WNT5B: variants seen among roughly 807,000 people sequenced by gnomAD.
WNT5B encodes the protein protein Wnt-5b.
WNT5B carries 18 observed loss-of-function variants against 36.5 expected under a neutral mutation model. That is an observed-to-expected ratio of 0.49 (90% CI 0.34 to 0.73). The LOEUF is 0.73. WNT5B is among the 30% of genes least tolerant of loss of function. The probability of loss-of-function intolerance (pLI) is 0.01; values close to 1 mark genes in which losing one functional copy is unlikely to be tolerated. For missense variants in WNT5B, 424 were observed against 508.4 expected (o/e 0.83, Z 1.60); for synonymous variants, 213 against 212.3 (o/e 1.00, Z -0.03).
rs1293352000 is a variant in WNT5B at position 1,632,175 on chromosome 12, A to T, written c.81-483A>T. ...CCACGCAAAGGATTGATTGCTTTCC[A>T]TGGCTTATCATGTACTTGGGCTGCA... is the stretch of plus-strand genomic sequence containing the variant. On this transcript the variant is annotated intron_variant, in intron 2 of 4. Transcript: ENST00000397196. This position sits in a 1 kb window ranked among gnomAD's most constrained non-coding sequence, Gnocchi z 5.8. 6.6e-6 allele frequency among the ~76,000 whole-genome samples: 1 copy of T among 152,196 alleles called. No homozygotes were observed. The highest frequency in any genetic ancestry group is 2.4e-5 in the African/African-American group (1 of 41,448).
rs930204478 is a variant in WNT5B, at chr12:1,618,606, A to T, written c.-58+1463A>T. 2.0e-5 allele frequency among the ~76,000 whole-genome samples: 3 copies of T among 152,210 alleles called. No homozygotes were observed. The highest frequency in any genetic ancestry group is 2.0e-4 in the Admixed American group (3 of 15,274). On this transcript the variant is annotated intron_variant, in intron 1 of 4. Transcript: ENST00000310594. This position sits in a 1 kb window ranked among gnomAD's most constrained non-coding sequence, Gnocchi z 4.1. ...ACACTTCTGCCTTCTTTTCTAGAGCATATTTTAAAACTATTTTATTAGTAT... is the reference window on the plus strand; with the variant it reads ...ACACTTCTGCCTTCTTTTCTAGAGCTTATTTTAAAACTATTTTATTAGTAT...
At chr12:1,627,896 C>T (rs1215955521), upstream of WNT5B, among the ~76,000 whole-genome samples, 2 of 152,162 alleles carry the variant, frequency 1.3e-5, no homozygotes, top group African/African-American at 4.8e-5. The surrounding 1 kb of genome is among the most constrained non-coding windows in gnomAD (Gnocchi z 5.0). Flanking sequence ...ATTCACTGGA[C>T]CTAACTTATG....
chr12:1,641,385 CAAA>C (rs1371392049), intron 4 of WNT5B, among the ~76,000 whole-genome samples: 2 of 100,946 alleles, frequency 2.0e-5, no homozygotes, highest in Admixed American at 1.1e-4. Context: ...GACTCCATCT[CAAA>C]AAAAAAAAAA....
intron 1 of WNT5B, among the ~76,000 whole-genome samples, chr12:1,623,215 A>C (rs7974359): frequency 0.61 from 41,980 of 68,970 alleles, 12,320 homozygotes; most frequent in African/African-American, 0.69. Flanking sequence ...TTTTTTTTTG[A>C]GACGGAGTCT....
At chr12:1,640,468 A>C (rs1368537774) in intron 4 of WNT5B, among the ~76,000 whole-genome samples, 1 of 152,232 alleles carries the variant, frequency 6.6e-6, no homozygotes, top group Non-Finnish European at 1.5e-5. Flanking sequence ...TCAAATACTA[A>C]TGACAAACAC....
chr12:1,622,163 T>C (rs1254439068), intron 1 of WNT5B, among the ~76,000 whole-genome samples: 1 of 143,918 alleles, frequency 6.9e-6, no homozygotes, highest in Non-Finnish European at 1.5e-5. Context: ...CAGGCTGGAG[T>C]GCAGTGGCGT....
At chr12:1,620,322 G>A (rs563718556) in intron 1 of WNT5B, among the ~76,000 whole-genome samples, 2 of 152,302 alleles carry the variant, frequency 1.3e-5, no homozygotes, top group African/African-American at 4.8e-5. Flanking sequence ...TGCTATGAAT[G>A]GAACCATAGT....
upstream of WNT5B, among the ~76,000 whole-genome samples, chr12:1,626,483 G>A (rs1361806819): frequency 2.6e-5 from 4 of 151,524 alleles, no homozygotes; most frequent in African/African-American, 7.3e-5. Flanking sequence ...GGCTGGTCTC[G>A]AACTCCTGAC....
At chr12:1,626,811 C>T (rs543229147), upstream of WNT5B, among the ~76,000 whole-genome samples, 26 of 150,704 alleles carry the variant, frequency 1.7e-4, no homozygotes, top group East Asian at 5.9e-4. Context: ...ATGATCTGCC[C>T]GCCTCGGCCT....
In WNT5B at chr12:1,632,416, T is replaced by C. The variant is rs1036988715; in HGVS notation, c.81-242T>C. Among the ~76,000 whole-genome samples, 1 of 152,206 alleles carries C rather than the reference T, an allele frequency of 6.6e-6. No homozygotes were observed. The highest frequency in any genetic ancestry group is 1.9e-4 in the East Asian group (1 of 5,190). On this transcript the variant is annotated intron_variant, in intron 2 of 4. Coordinates refer to ENST00000397196, the MANE Select transcript of WNT5B (RefSeq NM_032642.3). This position sits in a 1 kb window ranked among gnomAD's most constrained non-coding sequence, Gnocchi z 5.8. ...TATTTTCCTATCTGATCACAGCAGA[T>C]CCAGAAGCATATCCAGAGTCTGTCT...
At position 1,645,934 on chromosome 12, in the gene WNT5B, C is replaced by T. The variant is rs759646239; in HGVS notation, c.762C>T (p.Ala254=). The T allele has an allele frequency of 4.3e-6, 7 of 1,610,086 alleles. No individual in the cohort carries two copies. Among genetic ancestry groups the T allele is most frequent in the Non-Finnish European group, 5.9e-6 (7 of 1,179,846 alleles). ...AGGAGAAGTACGACAGCGCGGCCGC[C>T]ATGCGCGTCACCCGCAAGGGCCGGC... ...RLKEKYDSAA[A]MRVTRKGRLE... Residue 254 remains alanine (A), a synonymous_variant, in exon 5 of 5, where the codon GCC becomes GCT. Coordinates refer to ENST00000397196, the MANE Select transcript of WNT5B (RefSeq NM_032642.3).
chr12:1,624,377 CAAAAAA>C (rs34209948), upstream of WNT5B, among the ~76,000 whole-genome samples: 150 of 78,238 alleles, frequency 1.9e-3, no homozygotes, highest in African/African-American at 7.2e-3. Context: ...GACTCTGTCT[CAAAAAA>C]AAAAAAAAAA....
upstream of WNT5B, among the ~76,000 whole-genome samples, chr12:1,628,919 TTGTG>T (rs751402571): frequency 5.3e-5 from 8 of 150,534 alleles, no homozygotes; most frequent in Admixed American, 1.3e-4. Flanking sequence ...GGTGTGTGTG[TTGTG>T]TGTGTGTGTG....
chr12:1,624,278 C>T (rs530121619), upstream of WNT5B, among the ~76,000 whole-genome samples: 137 of 147,854 alleles, frequency 9.3e-4, no homozygotes, highest in African/African-American at 3.3e-3. Context: ...CCCAGCTACT[C>T]GGGAGGCTGA....
At chr12:1,621,835 A>G (rs895765609) in intron 1 of WNT5B, among the ~76,000 whole-genome samples, 3 of 151,718 alleles carry the variant, frequency 2.0e-5, no homozygotes, top group Non-Finnish European at 4.4e-5. Context: ...GTGAGCCACC[A>G]TGCCTGGCCC....
chr12:1,624,377 C>CAAAAAA (rs34209948), upstream of WNT5B, among the ~76,000 whole-genome samples: 1 of 78,198 alleles, frequency 1.3e-5, no homozygotes, highest in Admixed American at 1.5e-4. Flanking sequence ...GACTCTGTCT[C>CAAAAAA]AAAAAAAAAA....
chr12:1,635,206 C>T (rs2094558398), intron 3 of WNT5B, among the ~76,000 whole-genome samples: 1 of 152,144 alleles, frequency 6.6e-6, no homozygotes, highest in Admixed American at 6.6e-5. Context: ...AAATCAGGAT[C>T]CCAAACAGTC....
intron 4 of WNT5B, among the ~76,000 whole-genome samples, chr12:1,642,640 G>A (rs768251777): frequency 5.9e-5 from 9 of 152,150 alleles, no homozygotes; most frequent in Non-Finnish European, 7.3e-5. Context: ...GTGTCTGCAC[G>A]TGCCTGTGAT....
chr12:1,634,820 G>A lies in WNT5B; in HGVS notation c.328+1915G>A, dbSNP rs113413696. Among the ~76,000 whole-genome samples, 733 of 152,250 alleles carry A rather than the reference G, an allele frequency of 4.8e-3. 7 individuals carry two copies. The highest frequency in any genetic ancestry group is 0.017 in the African/African-American group (691 of 41,538). The stretch of plus-strand genomic sequence containing the variant: ...GAGCAGCTCGGAGGAGCCTCGGCCC[G>A]TTGCCCAGCTTCTGCCTAGGGAGTT... On this transcript the variant is annotated intron_variant, in intron 3 of 4. Coordinates refer to ENST00000397196, the MANE Select transcript of WNT5B (RefSeq NM_032642.3).
Sources: gnomAD v4.1 joint callset for allele counts (sites outside exome capture counted in the v4.1 genomes callset) on GRCh38, gnomAD v4.1.1 for gene constraint, Gnocchi (gnomAD v3.1) non-coding constraint, MANE v1.5 for transcripts, NCBI Gene and HGNC (gene_info 2026-07-23, HGNC 2026-07-21) for gene names.